Variants in CCND2 observed in about 807,000 individuals in gnomAD.
CCND2 encodes the protein cyclin D2.
Under a neutral mutation model 30.2 loss-of-function variants are expected in CCND2, and 6 were observed. That is an observed-to-expected ratio of 0.20 (90% confidence interval 0.11 to 0.39). The LOEUF (loss-of-function observed/expected upper bound fraction) is 0.39, where lower values mean the gene tolerates loss of function less well. CCND2 is among the 10% of genes least tolerant of loss of function. CCND2 has a pLI of 1.00. For synonymous variants in CCND2, 150 were observed against 153.1 expected, an observed-to-expected ratio of 0.98 and a Z score of 0.15; for missense variants, 235 against 373.4, an observed-to-expected ratio of 0.63 and a Z score of 3.06.
intron 4 of CCND2, among the ~76,000 whole-genome samples, chr12:4,289,414 G>A (rs954462742): frequency 3.3e-5 from 5 of 152,194 alleles, no homozygotes; most frequent in Admixed American, 6.5e-5. Flanking sequence ...AGCTGCAGTG[G>A]ATGGAGCAGA....
At chr12:4,280,960 T>C (rs1863940477) in intron 3 of CCND2, among the ~76,000 whole-genome samples, 2 of 152,204 alleles carry the variant, frequency 1.3e-5, no homozygotes, top group South Asian at 4.1e-4. Flanking sequence ...CCCGTGGCCT[T>C]CTTGCCCAGA....
chr12:4,300,002 A>G lies in CCND2; in HGVS notation c.863A>G (p.Asp288Gly). 1.2e-6 allele frequency: 2 copies of G among 1,613,502 alleles called. No individual in the cohort carries two copies. The highest frequency in any genetic ancestry group is 1.7e-6 in the Non-Finnish European group (2 of 1,179,700). The change falls in exon 5 of 5, where the codon GAC becomes GGC. Residue 288 changes from aspartate (D) to glycine (G), a missense_variant. Physicochemically the swap from Asp to Gly is moderately conservative, Grantham distance 94. Coordinates refer to ENST00000261254, the MANE Select transcript of CCND2 (RefSeq NM_001759.4). ...ASTPTDVRDI[D>G]L Reference sequence around the variant, plus strand: ...ACCCCTACAGACGTGCGGGATATCGACCTGTGAGGATGCCAGTTGGGCCGA... The same window carrying G: ...ACCCCTACAGACGTGCGGGATATCGGCCTGTGAGGATGCCAGTTGGGCCGA...
intron 2 of CCND2, 90 bp from the exon 3 acceptor site, chr12:4,278,670 A>G: frequency 1.4e-6 from 2 of 1,380,726 alleles, no homozygotes; most frequent in Non-Finnish European, 2.0e-6. Context: ...GCGGCCTTAA[A>G]ACTGGTCTGG....
chr12:4,289,169 T>G, intron 4 of CCND2, 179 bp downstream of exon 4: 3 of 204,608 alleles, frequency 1.5e-5, no homozygotes, highest in South Asian at 8.4e-5. Context: ...TGAAAAGCTG[T>G]GCACGGGAAA....
In CCND2 at chr12:4,285,211, C is replaced by T. The variant is rs1289134003; in HGVS notation, c.572-3631C>T. The T allele has an allele frequency of 3.6e-6, 3 of 826,896 alleles. No individual in the cohort carries two copies. The highest frequency in any genetic ancestry group is 4.4e-6 in the Non-Finnish European group (3 of 685,564). The allele number at this position is 826,896 out of a possible 1,614,324, so 51.2% of individuals were successfully genotyped here. A position where few individuals can be genotyped will look rare whatever the true frequency, so the allele number is the denominator to read the frequency against. On this transcript the variant is annotated intron_variant, in intron 3 of 4. Coordinates refer to ENST00000261254, the MANE Select transcript of CCND2 (RefSeq NM_001759.4). The surrounding 1 kb of genome is among the most constrained non-coding windows in gnomAD (Gnocchi z 4.1). The stretch of plus-strand genomic sequence containing the variant: ...CCATGCTGCCTGGAACAGGGAGGAG[C>T]ACATTGTCATGAGTCGATCAGAATG...
chr12:4,281,120 C>A (rs561459389), intron 3 of CCND2, among the ~76,000 whole-genome samples: 1 of 152,280 alleles, frequency 6.6e-6, no homozygotes, highest in Non-Finnish European at 1.5e-5. Context: ...GGAAAGGACA[C>A]CCCCAAACCA....
intron 4 of CCND2, among the ~76,000 whole-genome samples, chr12:4,296,722 T>C (rs866760467): frequency 1.3e-5 from 2 of 149,818 alleles, no homozygotes; most frequent in South Asian, 2.1e-4. Flanking sequence ...AAAAAAAAAT[T>C]GTAAACATCC....
chr12:4,286,881 T>TTGCC (rs1286845673), intron 3 of CCND2, among the ~76,000 whole-genome samples: 1 of 152,204 alleles, frequency 6.6e-6, no homozygotes, highest in African/African-American at 2.4e-5. Flanking sequence ...CCGGGGATAC[T>TTGCC]TGCCTGCCTC....
chr12:4,297,901 G>A (rs541394669), intron 4 of CCND2: 20 of 434,940 alleles, frequency 4.6e-5, no homozygotes, highest in Admixed American at 1.5e-4. Flanking sequence ...CTGCTGCTGC[G>A]TCACGTCTGT....
At chr12:4,277,112 G>A (rs1287343213) in intron 2 of CCND2, among the ~76,000 whole-genome samples, 1 of 152,202 alleles carries the variant, frequency 6.6e-6, no homozygotes, top group African/African-American at 2.4e-5. Context: ...CTGGGGCTCT[G>A]CTGCCATCTA....
At position 4,285,086 on chromosome 12, in the gene CCND2, A is replaced by G. The variant is rs1864005196; in HGVS notation, c.572-3756A>G. On this transcript the variant is annotated intron_variant, in intron 3 of 4. Coordinates refer to ENST00000261254, the MANE Select transcript of CCND2 (RefSeq NM_001759.4). This position sits in a 1 kb window ranked among gnomAD's most constrained non-coding sequence, Gnocchi z 4.1. ...TTTCTTCAGAAGTTATCCATATAGT[A>G]GTACAGACCTAGCCATTATAGCACA... Among the ~76,000 whole-genome samples, 1 of 152,164 alleles carries G rather than the reference A, an allele frequency of 6.6e-6. No individual in the cohort carries two copies. Among genetic ancestry groups the G allele is most frequent in the Non-Finnish European group, 1.5e-5 (1 of 68,014 alleles).
At chr12:4,277,994 G>T (rs924131869) in intron 2 of CCND2, among the ~76,000 whole-genome samples, 2 of 152,190 alleles carry the variant, frequency 1.3e-5, no homozygotes, top group African/African-American at 2.4e-5. Context: ...CCAAGAGACA[G>T]GGTTGTGTGG....
At chr12:4,294,991 C>G (rs373853191) in intron 4 of CCND2, among the ~76,000 whole-genome samples, 1 of 152,198 alleles carries the variant, frequency 6.6e-6, no homozygotes, top group Non-Finnish European at 1.5e-5. Flanking sequence ...GGGCAAGACC[C>G]GGGCGATGTG....
At chr12:4,275,522 C>T (rs1374097941) in intron 1 of CCND2, 4 of 129,120 alleles carry the variant, frequency 3.1e-5, no homozygotes, top group African/African-American at 1.2e-4. Flanking sequence ...GCCCCTGGGC[C>T]GCAGGGACCC....
In CCND2 at chr12:4,282,683, C is replaced by G. The variant is rs528127621; in HGVS notation, c.571+3764C>G. Among the ~76,000 whole-genome samples the G allele has an allele frequency of 6.6e-6, 1 of 152,334 alleles. No homozygotes were observed. The highest frequency in any genetic ancestry group is 1.9e-4 in the East Asian group (1 of 5,180). Reference sequence around the variant, plus strand: ...GTGTGGTGCTTGCCATCGCTCTTCCCTCTGGCTGTAAGATGAATGGGTAGC... The same window carrying G: ...GTGTGGTGCTTGCCATCGCTCTTCCGTCTGGCTGTAAGATGAATGGGTAGC... On this transcript the variant is annotated intron_variant, in intron 3 of 4. Transcript: ENST00000261254. The surrounding 1 kb of genome is among the most constrained non-coding windows in gnomAD (Gnocchi z 4.3).
Position 4,300,380 on chromosome 12 carries a change from C to T in CCND2, c.*371C>T. ...TTTTTTTTTTCATGTTATGAGCTAG[C>T]ACATACACCCCCTTGTAGTATAATT... On this transcript the variant is annotated 3_prime_UTR_variant, in exon 5 of 5. Coordinates refer to ENST00000261254, the MANE Select transcript of CCND2 (RefSeq NM_001759.4). The T allele has an allele frequency of 3.9e-6, 1 of 258,276 alleles. No individual in the cohort carries two copies. The highest frequency in any genetic ancestry group is 7.5e-6 in the Non-Finnish European group (1 of 132,778). 16.0% of individuals were successfully genotyped at this position (258,276 alleles called of 1,614,324 possible). A position where few individuals can be genotyped will look rare whatever the true frequency, so the allele number is the denominator to read the frequency against.
intron 4 of CCND2, 103 bp downstream of exon 4, chr12:4,289,093 T>G: frequency 8.3e-7 from 1 of 1,207,254 alleles, no homozygotes; most frequent in South Asian, 1.6e-5. Context: ...TTTTTCTGGT[T>G]TGTTTCCTAA....
chr12:4,278,621 A>G, intron 2 of CCND2, 139 bp from the exon 3 acceptor site: 1 of 677,252 alleles, frequency 1.5e-6, no homozygotes, highest in Non-Finnish European at 2.4e-6. Flanking sequence ...ACATTGACAA[A>G]TGGGCCCGCC....
In CCND2 at chr12:4,301,916, G is replaced by GTTGT; in HGVS notation, c.*1909_*1910insGTTT. 7.1e-5 allele frequency: 13 copies of GTTGT among 183,924 alleles called. No individual in the cohort carries two copies. The East Asian group carries it at 9.5e-4, about 13-fold the overall frequency. The allele number at this position is 183,924 out of a possible 1,614,324, so 11.4% of individuals were successfully genotyped here. A position where few individuals can be genotyped will look rare whatever the true frequency, so the allele number is the denominator to read the frequency against. ...TTCTTCTGGTAGCATATTCATGGTT[G>GTTGT]TTTTTTTTTTTCTTTTTTGGTTTTT... On this transcript the variant is annotated 3_prime_UTR_variant, in exon 5 of 5. Coordinates refer to ENST00000261254, the MANE Select transcript of CCND2 (RefSeq NM_001759.4).
Sources: gnomAD v4.1 joint callset for allele counts (sites outside exome capture counted in the v4.1 genomes callset) on GRCh38, gnomAD v4.1.1 for gene constraint, Gnocchi (gnomAD v3.1) non-coding constraint, MANE v1.5 for transcripts, NCBI Gene and HGNC (gene_info 2026-07-23, HGNC 2026-07-21) for gene names.